MEGF8: variants seen among roughly 807,000 people sequenced by gnomAD.
The protein encoded by MEGF8 is multiple EGF like domains 8, also known as multiple epidermal growth factor-like domains protein 8.
MEGF8 carries 156 observed loss-of-function variants against 302.9 expected under a neutral mutation model. The observed-to-expected ratio is 0.52, with a 90% CI of 0.45 to 0.59. MEGF8 has a LOEUF of 0.59. Among genes scored for constraint, MEGF8 ranks in the 20% least tolerant of loss-of-function variants. The pLI is 0.00. For missense variants in MEGF8, 3,345 were observed against 3,964.5 expected (o/e 0.84, Z 4.20); for synonymous variants, 1,621 against 1,660.5 (o/e 0.98, Z 0.58).
chr19:42,349,716 T>C lies in MEGF8; in HGVS notation c.2499+17T>C. The C allele has an allele frequency of 1.9e-6, 3 of 1,605,566 alleles. No individual in the cohort carries two copies. Among genetic ancestry groups the C allele is most frequent in the South Asian group, 1.1e-5 (1 of 91,016 alleles). On this transcript the variant is annotated intron_variant, in intron 14 of 41. Coordinates refer to ENST00000251268, the MANE Select transcript of MEGF8 (RefSeq NM_001271938.2). ...GGAGGCAGCGTGAGTACCCAGGACC[T>C]ACCTCCAACCCTAGCCGCAGGCCCC...
chr19:42,370,919 G>A (rs2039682528), intron 40 of MEGF8, 88 bp downstream of exon 40: 3 of 547,134 alleles, frequency 5.5e-6, no homozygotes, highest in Non-Finnish European at 9.8e-6. Flanking sequence ...CTGGAGCCAG[G>A]CCCCCTCTTT....
rs1379641519 is a variant in MEGF8 at position 42,371,471 on chromosome 19, T to C, written c.7258T>C (p.Tyr2420His). 4 of 1,613,678 alleles carry C rather than the reference T, an allele frequency of 2.5e-6. No individual in the cohort carries two copies. The African/African-American group carries it at 4.0e-5, about 16-fold the overall frequency. Residue 2420 changes from tyrosine (Y) to histidine (H), a missense_variant, in exon 41 of 42, where the codon TAC becomes CAC. By Grantham distance (83) the Tyr-to-His change is moderately conservative. Coordinates refer to ENST00000251268, the MANE Select transcript of MEGF8 (RefSeq NM_001271938.2). ...CTCCCCCAGTGACCGTCGAGACTGC[T>C]ACAAGTACCAGGTGCGGCTGCAGAA... ...GSSPSDRRDC[Y>H]KYQCAKCRES...
At position 42,376,287 on chromosome 19, in the gene MEGF8, C is replaced by A; in HGVS notation, c.8050C>A (p.Arg2684=). 1 of 1,612,194 alleles carries A rather than the reference C, an allele frequency of 6.2e-7. No homozygotes were observed. Among genetic ancestry groups the A allele is most frequent in the Non-Finnish European group, 8.5e-7 (1 of 1,179,438 alleles). Reference sequence around the variant, plus strand: ...TCTGGACCAGCGGCAGGAGCAGCGCCGGCACTTGCAGGAGATGACCAAGAT... The same window carrying A: ...TCTGGACCAGCGGCAGGAGCAGCGCAGGCACTTGCAGGAGATGACCAAGAT... The part of the protein sequence containing the change: ...QALDQRQEQR[R]HLQEMTKMAS... Residue 2684 remains arginine, a synonymous_variant, in exon 42 of 42, where the codon CGG becomes AGG. Transcript: ENST00000251268. The surrounding 1 kb of genome is among the most constrained non-coding windows in gnomAD (Gnocchi z 8.2).
chr19:42,359,228 T>C lies in MEGF8; in HGVS notation c.5474T>C (p.Leu1825Pro). Residue 1825 changes from leucine to proline, a missense_variant, in exon 31 of 42, where the codon CTG (leucine) becomes CCG (proline). Transcript: ENST00000251268. The part of the protein sequence containing the change: ...LYQVNCNAWL[L>P]PDLTRSASVG... ...CAGGTCAACTGCAATGCCTGGCTTC[T>C]GCCCGACCTCACCCGTAAGTCCCCA... 3 of 1,579,802 alleles carry C rather than the reference T, an allele frequency of 1.9e-6. No individual in the cohort carries two copies. The highest frequency in any genetic ancestry group is 1.7e-6 in the Non-Finnish European group (2 of 1,162,614).
intron 2 of MEGF8, 73 bp from the exon 3 acceptor site, chr19:42,333,934 G>T: frequency 6.5e-7 from 1 of 1,535,238 alleles, no homozygotes; most frequent in Non-Finnish European, 8.8e-7. Context: ...GTGGAAGGGG[G>T]CAGGAGTGGG....
chr19:42,333,007 G>T (rs966350518), intron 1 of MEGF8, among the ~76,000 whole-genome samples: 1 of 152,212 alleles, frequency 6.6e-6, no homozygotes, highest in African/African-American at 2.4e-5. Context: ...CAGGCAGTCT[G>T]GTTCCAGAGT....
Position 42,370,793 on chromosome 19 carries a change from C to T in MEGF8, c.7098C>T (p.Cys2366=). Reference sequence around the variant, plus strand: ...GCTATGGGGAGAAATGCGAGAGCTGCCTGCAGGGCTACTTCCTCCTGGACG... The same window carrying T: ...GCTATGGGGAGAAATGCGAGAGCTGTCTGCAGGGCTACTTCCTCCTGGACG... ...NNSYGEKCES[C]LQGYFLLDGK... Residue 2366 remains cysteine (C), a synonymous_variant, in exon 40 of 42, where the codon TGC becomes TGT. Transcript: ENST00000251268. 1 of 1,442,072 alleles carries T rather than the reference C, an allele frequency of 6.9e-7. No individual in the cohort carries two copies. The highest frequency in any genetic ancestry group is 9.5e-7 in the Non-Finnish European group (1 of 1,057,754). The allele number at this position is 1,442,072 out of a possible 1,614,324, so 89.3% of individuals were successfully genotyped here.
chr19:42,368,483 G>A lies in MEGF8; in HGVS notation c.6302G>A (p.Arg2101Gln), dbSNP rs888767107. 1.1e-5 allele frequency: 18 copies of A among 1,609,682 alleles called. No homozygotes were observed. Among genetic ancestry groups the A allele is most frequent in the East Asian group, 2.2e-5 (1 of 44,790 alleles). Reference protein sequence around the residue: ...QCLSPSYLPLRCMAGGCGRLL... With the variant: ...QCLSPSYLPLQCMAGGCGRLL... ...CTGAGCCCTTCCTACCTGCCCCTGC[G>A]ATGTATGGCCGGAGGCTGTGGGCGG... is the stretch of plus-strand genomic sequence containing the variant. Residue 2101 changes from arginine (R) to glutamine (Q), a missense_variant, in exon 36 of 42, where the codon CGA becomes CAA. Arg to Gln is a conservative substitution (Grantham distance 43). Coordinates refer to ENST00000251268, the MANE Select transcript of MEGF8 (RefSeq NM_001271938.2). This position sits in a 1 kb window ranked among gnomAD's most constrained non-coding sequence, Gnocchi z 4.9.
chr19:42,376,544 T>A lies in MEGF8; in HGVS notation c.8307T>A (p.Thr2769=). 2.6e-6 allele frequency: 4 copies of A among 1,561,212 alleles called. No homozygotes were observed. The highest frequency in any genetic ancestry group is 3.5e-6 in the Non-Finnish European group (4 of 1,155,586). ...TTAGLRAGPI[T]LEPTEDGMAG... Reference sequence around the variant, plus strand: ...CTGGGCTGCGAGCTGGGCCCATCACTCTCGAGCCCACAGAAGATGGCATGG... The same window carrying A: ...CTGGGCTGCGAGCTGGGCCCATCACACTCGAGCCCACAGAAGATGGCATGG... Residue 2769 remains threonine, a synonymous_variant, in exon 42 of 42, where the codon ACT becomes ACA. Coordinates refer to ENST00000251268, the MANE Select transcript of MEGF8 (RefSeq NM_001271938.2). This position sits in a 1 kb window ranked among gnomAD's most constrained non-coding sequence, Gnocchi z 8.2.
rs767175047 is a variant in MEGF8 at position 42,368,416 on chromosome 19, C to G, written c.6274-39C>G. 2 of 1,501,648 alleles carry G rather than the reference C, an allele frequency of 1.3e-6. No individual in the cohort carries two copies. The highest frequency in any genetic ancestry group is 1.8e-6 in the Non-Finnish European group (2 of 1,108,332). 93.0% of individuals were successfully genotyped at this position (1,501,648 alleles called of 1,614,324 possible). On this transcript the variant is annotated intron_variant, in intron 35 of 41. Transcript: ENST00000251268. This position sits in a 1 kb window ranked among gnomAD's most constrained non-coding sequence, Gnocchi z 4.9. The stretch of plus-strand genomic sequence containing the variant: ...TTTGTTTAAGCTTATTTCCCCATCT[C>G]TCTCTTCCCTGCATCCCCATCCCCT...
At position 42,337,072 on chromosome 19, in the gene MEGF8, C is replaced by A; in HGVS notation, c.1391-12C>A. ...TAGGCTTGCCAGCTATGCCCCTTTC[C>A]TCCATTCCCAGGGGGCAATGTGCAC... On this transcript the variant is annotated splice_polypyrimidine_tract_variant and intron_variant, in intron 7 of 41. Coordinates refer to ENST00000251268, the MANE Select transcript of MEGF8 (RefSeq NM_001271938.2). The A allele has an allele frequency of 3.7e-6, 6 of 1,613,740 alleles. No individual in the cohort carries two copies. The highest frequency in any genetic ancestry group is 3.4e-6 in the Non-Finnish European group (4 of 1,179,766).
chr19:42,372,072 CAA>C (rs769014166), intron 41 of MEGF8, among the ~76,000 whole-genome samples: 364 of 77,658 alleles, frequency 4.7e-3, no homozygotes, highest in Middle Eastern at 0.013. Context: ...ACAACAACAA[CAA>C]ACACACACAC....
At chr19:42,373,714 T>TG (rs1481034097) in intron 41 of MEGF8, among the ~76,000 whole-genome samples, 3 of 146,020 alleles carry the variant, frequency 2.1e-5, no homozygotes, top group Non-Finnish European at 4.5e-5. Flanking sequence ...GGGTTTTTTT[T>TG]TTTTTTTTTT....
chr19:42,341,859 G>A (rs766769569), intron 8 of MEGF8, among the ~76,000 whole-genome samples: 17 of 152,168 alleles, frequency 1.1e-4, no homozygotes, highest in African/African-American at 2.7e-4. Context: ...CTTTGAAATC[G>A]GATGAAAGCC....
chr19:42,360,737 C>T (rs1369148734), intron 31 of MEGF8, 38 bp from the exon 32 acceptor site: 13 of 1,550,698 alleles, frequency 8.4e-6, no homozygotes, highest in Non-Finnish European at 1.0e-5. Flanking sequence ...CTGGAGTCTC[C>T]TGCTCTCTAT....
Position 42,369,062 on chromosome 19 carries a change from AG to A in MEGF8, c.6641+61del. 1 of 1,588,620 alleles carries A rather than the reference AG, an allele frequency of 6.3e-7. No individual in the cohort carries two copies. The highest frequency in any genetic ancestry group is 8.5e-7 in the Non-Finnish European group (1 of 1,170,280). ...TAGGGTGGGAGAGTCTGTGGGGAGC[AG>A]TAATGGATGAGGCCTAGAGCCAAGC... On this transcript the variant is annotated intron_variant, in intron 37 of 41. Coordinates refer to ENST00000251268, the MANE Select transcript of MEGF8 (RefSeq NM_001271938.2). The surrounding 1 kb of genome is among the most constrained non-coding windows in gnomAD (Gnocchi z 5.7).
intron 33 of MEGF8, 30 bp downstream of exon 33, chr19:42,362,243 G>A (rs2039542318): frequency 6.2e-7 from 1 of 1,609,814 alleles, no homozygotes. Context: ...GGGATGAGAA[G>A]CAGCAGGTGT....
In MEGF8 at chr19:42,358,060, G is replaced by A; in HGVS notation, c.5012-84G>A. 1 of 1,335,904 alleles carries A rather than the reference G, an allele frequency of 7.5e-7. No homozygotes were observed. Among genetic ancestry groups the A allele is most frequent in the African/African-American group, 1.5e-5 (1 of 66,064 alleles). The allele number at this position is 1,335,904 out of a possible 1,614,324, so 82.8% of individuals were successfully genotyped here. The stretch of plus-strand genomic sequence containing the variant: ...AGTCTCAGGGCCGGGGAAGGGAGTG[G>A]TCACCGAACAGGGGACCGGGAGGTC... On this transcript the variant is annotated intron_variant, in intron 28 of 41. Transcript: ENST00000251268. This position sits in a 1 kb window ranked among gnomAD's most constrained non-coding sequence, Gnocchi z 4.4.
intron 41 of MEGF8, among the ~76,000 whole-genome samples, chr19:42,373,251 C>A (rs186641722): frequency 8.6e-5 from 13 of 151,964 alleles, no homozygotes; most frequent in Admixed American, 2.0e-4. Context: ...TACCACCACC[C>A]CCCGCTAATT....
Sources: gnomAD v4.1 joint callset for allele counts (sites outside exome capture counted in the v4.1 genomes callset) on GRCh38, gnomAD v4.1.1 for gene constraint, Gnocchi (gnomAD v3.1) non-coding constraint, MANE v1.5 for transcripts, NCBI Gene and HGNC (gene_info 2026-07-23, HGNC 2026-07-21) for gene names.